Variants in THSD7B observed in about 807,000 individuals in gnomAD.
The protein encoded by THSD7B is thrombospondin type-1 domain-containing protein 7B.
A neutral mutation model predicts 213.6 loss-of-function variants in THSD7B; 138 were observed. That is an observed-to-expected ratio of 0.65 (90% CI 0.56 to 0.74). THSD7B has a LOEUF of 0.74. Ranked by LOEUF, THSD7B falls within the 30% of genes least tolerant of loss-of-function variation. The pLI, the probability that THSD7B is intolerant of heterozygous loss-of-function variation, is 0.00. For missense variants in THSD7B, 1,931 were observed against 1,991.5 expected, an observed-to-expected ratio of 0.97 and a Z score of 0.58; for synonymous variants, 742 against 687.0, an observed-to-expected ratio of 1.08 and a Z score of -1.25.
chr2:137,130,162 C>T (rs1023637395), intron 5 of THSD7B, among the ~76,000 whole-genome samples: 1 of 152,058 alleles, frequency 6.6e-6, no homozygotes, highest in African/African-American at 2.4e-5. Context: ...TGCTGTTTCA[C>T]AATACCCAGA....
At chr2:137,061,495 T>A (rs1687270196) in intron 3 of THSD7B, among the ~76,000 whole-genome samples, 1 of 151,352 alleles carries the variant, frequency 6.6e-6, no homozygotes, top group Non-Finnish European at 1.5e-5. Flanking sequence ...TATAGGTTTT[T>A]TTTTTTTGTA....
chr2:137,413,550 A>G (rs1268763953), intron 14 of THSD7B, among the ~76,000 whole-genome samples: 1 of 152,220 alleles, frequency 6.6e-6, no homozygotes, highest in Non-Finnish European at 1.5e-5. Flanking sequence ...AAAGGTAAGA[A>G]GGAGGCAGAT....
intron 12 of THSD7B, among the ~76,000 whole-genome samples, chr2:137,348,527 A>G (rs1684930952): frequency 1.3e-5 from 2 of 151,630 alleles, no homozygotes; most frequent in African/African-American, 2.4e-5. Flanking sequence ...CCCATGCTTT[A>G]TGAGATAAAC....
chr2:136,994,652 A>G (rs1027161305), intron 2 of THSD7B, among the ~76,000 whole-genome samples: 2 of 152,212 alleles, frequency 1.3e-5, no homozygotes, highest in South Asian at 4.1e-4. Context: ...TTTGATCCCT[A>G]TAACAATCGT....
At chr2:137,579,358 T>C (rs1016901055) in intron 17 of THSD7B, among the ~76,000 whole-genome samples, 2 of 152,198 alleles carry the variant, frequency 1.3e-5, no homozygotes, top group African/African-American at 4.8e-5. Flanking sequence ...AACCAAAACA[T>C]TGGTCCTTCT....
In THSD7B at chr2:137,410,832, A is replaced by G. The variant is rs191321002; in HGVS notation, c.2696-777A>G. Among the ~76,000 whole-genome samples the G allele has an allele frequency of 1.4e-4, 21 of 152,324 alleles. No individual in the cohort carries two copies. The South Asian group carries it at 1.7e-3, about 12-fold the overall frequency. Reference sequence around the variant, plus strand: ...AAAAGGTGGAATTATTAGATCTAGGAAAATTTTTAGTAATCCAGAGGAATT... The same window carrying G: ...AAAAGGTGGAATTATTAGATCTAGGGAAATTTTTAGTAATCCAGAGGAATT... On this transcript the variant is annotated intron_variant, in intron 13 of 27. Transcript: ENST00000409968.
At chr2:137,470,908 T>C (rs1280040851) in intron 15 of THSD7B, among the ~76,000 whole-genome samples, 1 of 111,448 alleles carries the variant, frequency 9.0e-6, no homozygotes, top group African/African-American at 2.9e-5. Context: ...TATTTTTCTT[T>C]ACTTTTTTTT....
At chr2:137,173,401 G>A (rs1321819574) in intron 7 of THSD7B, among the ~76,000 whole-genome samples, 1 of 152,124 alleles carries the variant, frequency 6.6e-6, no homozygotes, top group Non-Finnish European at 1.5e-5. Flanking sequence ...ATATTGGAGG[G>A]TTGTCATGAT....
chr2:137,399,209 TTA>T (rs1422554489), intron 12 of THSD7B, among the ~76,000 whole-genome samples: 22 of 42,326 alleles, frequency 5.2e-4, no homozygotes, highest in East Asian at 2.4e-3. Context: ...TTTTTTTTTT[TTA>T]AACACAAGTC....
chr2:136,810,499 A>G (rs1682356923), intron 1 of THSD7B, among the ~76,000 whole-genome samples: 1 of 152,226 alleles, frequency 6.6e-6, no homozygotes, highest in Non-Finnish European at 1.5e-5. Context: ...TGTCTTGTCC[A>G]AAAAGTGAAA....
intron 2 of THSD7B, among the ~76,000 whole-genome samples, chr2:136,892,185 T>C (rs1683873143): frequency 6.6e-6 from 1 of 152,086 alleles, no homozygotes; most frequent in Non-Finnish European, 1.5e-5. Context: ...GGGCCATGCA[T>C]GGTCACTTTT....
intron 17 of THSD7B, among the ~76,000 whole-genome samples, chr2:137,599,483 A>C (rs1682034153): frequency 6.6e-6 from 1 of 151,616 alleles, no homozygotes; most frequent in Non-Finnish European, 1.5e-5. Context: ...AAGTCAGGAA[A>C]CAACAGGTGC....
intron 26 of THSD7B, 26 bp downstream of exon 26, chr2:137,663,601 T>C (rs374197977): frequency 8.1e-5 from 127 of 1,572,808 alleles, no homozygotes; most frequent in Non-Finnish European, 1.1e-5. Flanking sequence ...GAGTAAGAAA[T>C]GAAAATTTTC....
chr2:137,314,146 A>G (rs997724943), intron 12 of THSD7B, among the ~76,000 whole-genome samples: 9 of 152,098 alleles, frequency 5.9e-5, no homozygotes, highest in African/African-American at 2.2e-4. Context: ...AGGTACACCA[A>G]TCAGATGTAG....
At chr2:137,080,680 C>T (rs943563310) in intron 3 of THSD7B, among the ~76,000 whole-genome samples, 3 of 152,022 alleles carry the variant, frequency 2.0e-5, no homozygotes, top group African/African-American at 4.8e-5. Flanking sequence ...TTTTATTCCA[C>T]TTTTTTACAT....
At chr2:137,585,128 A>G (rs906190145) in intron 17 of THSD7B, among the ~76,000 whole-genome samples, 1 of 152,034 alleles carries the variant, frequency 6.6e-6, no homozygotes, top group African/African-American at 2.4e-5. Context: ...ATTTGCATAG[A>G]GGTGTTTATA....
chr2:136,942,612 A>G (rs1684847811), intron 2 of THSD7B, among the ~76,000 whole-genome samples: 2 of 152,064 alleles, frequency 1.3e-5, no homozygotes, highest in South Asian at 4.1e-4. Flanking sequence ...CTTTGTAGCA[A>G]TTGTGAATGG....
chr2:137,422,297 C>G (rs1686945200), intron 14 of THSD7B, among the ~76,000 whole-genome samples: 2 of 152,076 alleles, frequency 1.3e-5, no homozygotes, highest in South Asian at 4.1e-4. Context: ...ATTAGTATTT[C>G]CTTTTACTTT....
chr2:137,378,717 T>G (rs918723289), intron 12 of THSD7B, among the ~76,000 whole-genome samples: 7 of 152,124 alleles, frequency 4.6e-5, no homozygotes, highest in Non-Finnish European at 1.0e-4. Context: ...GGAAGTTAAT[T>G]TGGAGCACCT....
Sources: allele counts gnomAD v4.1 joint callset (sites outside exome capture counted in the v4.1 genomes callset), GRCh38; gene constraint gnomAD v4.1.1; transcripts MANE v1.5; gene names NCBI Gene and HGNC (gene_info 2026-07-23, HGNC 2026-07-21).